TMC1: variants seen among roughly 807,000 people sequenced by gnomAD.
TMC1 encodes the protein transmembrane channel-like protein 1.
In TMC1, 84 loss-of-function variants were observed where a neutral mutation model predicts 105.8. The ratio of observed to expected loss-of-function variants is 0.79; its 90% CI spans 0.67 to 0.95. The LOEUF (loss-of-function observed/expected upper bound fraction) is 0.95. Among genes scored for constraint, TMC1 ranks in the 40% least tolerant of loss-of-function variants. The pLI, the probability that TMC1 is intolerant of heterozygous loss-of-function variation, is 0.00. For synonymous variants in TMC1, 315 were observed against 311.5 expected, an observed-to-expected ratio of 1.01 and a Z score of -0.12; for missense variants, 817 against 914.1, an observed-to-expected ratio of 0.89 and a Z score of 1.37.
intron 3 of TMC1, among the ~76,000 whole-genome samples, chr9:72,625,667 G>C (rs1587997121): frequency 7.0e-6 from 1 of 143,466 alleles, no homozygotes. Flanking sequence ...CAGCCTGGGT[G>C]ACAGAGCGAG....
rs887241990 is a variant in TMC1, at chr9:72,792,257, A to G, written c.1471A>G (p.Asn491Asp). 6.2e-6 allele frequency: 10 copies of G among 1,614,050 alleles called. No individual in the cohort carries two copies. The highest frequency in any genetic ancestry group is 8.5e-6 in the Non-Finnish European group (10 of 1,180,038). ...LWEANMIKAY[N>D]ASFSENSTGP... is the part of the protein sequence containing the mutation. ...GGAAGCCAATATGATCAAGGCCTAC[A>G]ATGCATCATTCTCTGAAAATAGCAC... Residue 491 changes from asparagine (N) to aspartate (D), a missense_variant, in exon 17 of 24, where the codon AAT becomes GAT. Asn to Asp is a conservative substitution (Grantham distance 23, BLOSUM62 1). Transcript: ENST00000297784.
chr9:72,693,187 T>C (rs556177660), intron 6 of TMC1, among the ~76,000 whole-genome samples: 3 of 152,126 alleles, frequency 2.0e-5, no homozygotes, highest in African/African-American at 7.2e-5. Flanking sequence ...GTAATATATG[T>C]AATATTTAGA....
chr9:72,700,712 C>CAA, intron 8 of TMC1, 69 bp downstream of exon 8: 1 of 389,900 alleles, frequency 2.6e-6, no homozygotes, highest in Non-Finnish European at 4.7e-6. Context: ...TCTGAATATT[C>CAA]CATATATATA....
At chr9:72,596,576 A>G (rs1824724793) in intron 2 of TMC1, among the ~76,000 whole-genome samples, 1 of 151,974 alleles carries the variant, frequency 6.6e-6, no homozygotes, top group South Asian at 2.1e-4. Flanking sequence ...GAAATAGAAA[A>G]AGAACAATTG....
chr9:72,760,428 AG>A (rs1305411504), intron 12 of TMC1, among the ~76,000 whole-genome samples: 1 of 152,124 alleles, frequency 6.6e-6, no homozygotes, highest in Non-Finnish European at 1.5e-5. Flanking sequence ...TGCAAAGCCC[AG>A]GGGTGCCAAA....
At chr9:72,551,948 G>A (rs1202499051) in intron 1 of TMC1, among the ~76,000 whole-genome samples, 6 of 152,268 alleles carry the variant, frequency 3.9e-5, no homozygotes, top group Non-Finnish European at 7.4e-5. Flanking sequence ...GCATGGCACA[G>A]ATTGTCTCTG....
At chr9:72,734,058 G>A (rs1490968535) in intron 8 of TMC1, among the ~76,000 whole-genome samples, 1 of 152,200 alleles carries the variant, frequency 6.6e-6, no homozygotes, top group African/African-American at 2.4e-5. Context: ...CAGGAGGAGA[G>A]TGCAGACTGT....
intron 11 of TMC1, 117 bp from the exon 12 acceptor site, chr9:72,754,669 C>A: frequency 1.3e-6 from 1 of 778,096 alleles, no homozygotes. Context: ...CATGGAGACC[C>A]AAAGAGTCCC....
intron 5 of TMC1, among the ~76,000 whole-genome samples, chr9:72,681,699 T>G: frequency 6.6e-6 from 1 of 152,110 alleles, no homozygotes; most frequent in East Asian, 1.9e-4. Flanking sequence ...CCCTCCTTCT[T>G]ACGTATATAA....
Position 72,591,203 on chromosome 9 carries a change from A to G in TMC1, c.-306+13180A>G, listed in dbSNP as rs551908972. The stretch of plus-strand genomic sequence containing the variant: ...GGCTATATCAAGGTGAATTTTAAGT[A>G]GAGGTGGCACCTCTACTTAAGACCA... On this transcript the variant is annotated intron_variant, in intron 2 of 23. Coordinates refer to ENST00000297784, the MANE Select transcript of TMC1 (RefSeq NM_138691.3). Among the ~76,000 whole-genome samples the G allele has an allele frequency of 2.6e-5, 4 of 152,298 alleles. No homozygotes were observed. The South Asian group carries it at 8.3e-4, about 32-fold the overall frequency.
chr9:72,830,239 T>A (rs1180062497), intron 21 of TMC1, among the ~76,000 whole-genome samples: 2 of 152,196 alleles, frequency 1.3e-5, no homozygotes, highest in Non-Finnish European at 2.9e-5. Context: ...ACTTTCCAAC[T>A]TCACCCCAGC....
chr9:72,532,496 G>A (rs1043707197), intron 1 of TMC1, among the ~76,000 whole-genome samples: 3 of 141,388 alleles, frequency 2.1e-5, no homozygotes, highest in Non-Finnish European at 3.0e-5. Flanking sequence ...AGCCGAGATC[G>A]TGCCACTGTA....
intron 1 of TMC1, among the ~76,000 whole-genome samples, chr9:72,559,134 G>A (rs144745991): frequency 1.3e-4 from 19 of 149,918 alleles, no homozygotes; most frequent in African/African-American, 3.0e-4. Flanking sequence ...TTGCTTCGTC[G>A]CCCAGGCTGG....
intron 2 of TMC1, among the ~76,000 whole-genome samples, chr9:72,605,233 C>A (rs1449022932): frequency 6.6e-6 from 1 of 152,152 alleles, no homozygotes; most frequent in Admixed American, 6.6e-5. Context: ...AGTTGCATAA[C>A]AAATTACCCT....
At chr9:72,646,887 G>A (rs1333046796) in intron 4 of TMC1, among the ~76,000 whole-genome samples, 1 of 151,966 alleles carries the variant, frequency 6.6e-6, no homozygotes, top group East Asian at 1.9e-4. Flanking sequence ...GTTCATGCCT[G>A]TAATCCCACT....
intron 19 of TMC1, among the ~76,000 whole-genome samples, chr9:72,820,587 ATAGT>A (rs371121980): frequency 1.3e-3 from 200 of 152,338 alleles, no homozygotes; most frequent in African/African-American, 4.5e-3. Context: ...GATAGTAGGT[ATAGT>A]TAGTTACAGC....
At chr9:72,636,350 T>G (rs941834751) in intron 4 of TMC1, among the ~76,000 whole-genome samples, 3 of 152,234 alleles carry the variant, frequency 2.0e-5, no homozygotes, top group African/African-American at 7.2e-5. Flanking sequence ...TGGCATCTTG[T>G]ATCTTTCTGT....
intron 13 of TMC1, among the ~76,000 whole-genome samples, chr9:72,780,890 A>G (rs1828085455): frequency 6.6e-6 from 1 of 152,144 alleles, no homozygotes; most frequent in Admixed American, 6.5e-5. Context: ...CACCTTACTG[A>G]CAGTATTAGA....
chr9:72,738,172 C>T (rs775022413), intron 8 of TMC1, among the ~76,000 whole-genome samples: 3 of 152,130 alleles, frequency 2.0e-5, no homozygotes, highest in Non-Finnish European at 4.4e-5. Context: ...ATATTGTGTC[C>T]GCTATCAGGA....
Sources: allele counts gnomAD v4.1 joint callset (sites outside exome capture counted in the v4.1 genomes callset), GRCh38; gene constraint gnomAD v4.1.1; transcripts MANE v1.5; gene names NCBI Gene and HGNC (gene_info 2026-07-23, HGNC 2026-07-21).